NRXN1: variants seen among roughly 807,000 people sequenced by gnomAD.
The protein encoded by NRXN1 is neurexin 1.
A neutral mutation model predicts 150.9 loss-of-function variants in NRXN1; 39 were observed. The ratio of observed to expected loss-of-function variants is 0.26; its 90% CI spans 0.20 to 0.34. The LOEUF is 0.34. Ranked by LOEUF, NRXN1 falls within the 10% of genes least tolerant of loss-of-function variation. The pLI is 1.00. For missense variants in NRXN1, 1,815 were observed against 1,949.9 expected (o/e 0.93, Z 1.30); for synonymous variants, 924 against 757.0 (o/e 1.22, Z -3.62).
At chr2:50,377,570 C>G (rs1452308709) in intron 17 of NRXN1, among the ~76,000 whole-genome samples, 6 of 152,016 alleles carry the variant, frequency 3.9e-5, no homozygotes, top group African/African-American at 7.2e-5. Context: ...AAAGTTGGGA[C>G]TAGTTGATCT....
intron 2 of NRXN1, among the ~76,000 whole-genome samples, chr2:50,990,003 A>T (rs891301264): frequency 3.9e-5 from 6 of 152,038 alleles, no homozygotes; most frequent in Non-Finnish European, 8.8e-5. Context: ...TTTTTTTAAA[A>T]AATTAGCCAT....
At chr2:50,910,180 G>A (rs1360715922) in intron 5 of NRXN1, among the ~76,000 whole-genome samples, 1 of 151,882 alleles carries the variant, frequency 6.6e-6, no homozygotes, top group Non-Finnish European at 1.5e-5. Flanking sequence ...AAGGATAACT[G>A]TCTTTGACTT....
chr2:50,872,358 C>A (rs536717090), intron 5 of NRXN1, among the ~76,000 whole-genome samples: 1 of 151,552 alleles, frequency 6.6e-6, no homozygotes, highest in Non-Finnish European at 1.5e-5. Flanking sequence ...TGCAGATATA[C>A]GTTGTTGAGC....
At chr2:51,012,904 T>C (rs911218690) in intron 2 of NRXN1, among the ~76,000 whole-genome samples, 1 of 152,056 alleles carries the variant, frequency 6.6e-6, no homozygotes, top group African/African-American at 2.4e-5. Flanking sequence ...AAACTATTTT[T>C]CTGCCCTCTA....
At chr2:50,253,547 T>C (rs555033787) in intron 17 of NRXN1, among the ~76,000 whole-genome samples, 20 of 152,190 alleles carry the variant, frequency 1.3e-4, no homozygotes, top group Non-Finnish European at 2.5e-4. Context: ...TTGCTGTGCA[T>C]TTATCATAAA....
At chr2:50,696,600 G>C (rs999038267) in intron 5 of NRXN1, among the ~76,000 whole-genome samples, 2 of 152,218 alleles carry the variant, frequency 1.3e-5, no homozygotes, top group Admixed American at 1.3e-4. Flanking sequence ...TTGTGGTTCT[G>C]AGCAACTATT....
chr2:50,190,468 T>A (rs1259262672), intron 18 of NRXN1, among the ~76,000 whole-genome samples: 2 of 152,182 alleles, frequency 1.3e-5, no homozygotes, highest in Non-Finnish European at 2.9e-5. Flanking sequence ...AAAAAAGTTA[T>A]TTAGTTTCTA....
chr2:50,435,062 G>T (rs1254684596), intron 17 of NRXN1, among the ~76,000 whole-genome samples: 1 of 151,896 alleles, frequency 6.6e-6, no homozygotes, highest in Non-Finnish European at 1.5e-5. Flanking sequence ...TATTTACGGG[G>T]TTATACTGTA....
intron 5 of NRXN1, among the ~76,000 whole-genome samples, chr2:50,914,990 A>C (rs1327862331): frequency 6.6e-6 from 1 of 151,610 alleles, no homozygotes; most frequent in Non-Finnish European, 1.5e-5. Flanking sequence ...AAACAAAATA[A>C]ATGAGAATTT....
intron 5 of NRXN1, among the ~76,000 whole-genome samples, chr2:50,882,822 G>T (rs200554814): frequency 6.6e-6 from 1 of 151,674 alleles, no homozygotes; most frequent in Admixed American, 6.6e-5. Flanking sequence ...ATCATAAATT[G>T]TGTATCATTT....
intron 18 of NRXN1, among the ~76,000 whole-genome samples, chr2:50,224,498 G>A (rs1046386710): frequency 6.6e-6 from 1 of 151,780 alleles, no homozygotes; most frequent in Admixed American, 6.6e-5. Flanking sequence ...CCAAATAATA[G>A]GGTAAGCATG....
chr2:50,805,519 G>C (rs1667400444), intron 5 of NRXN1, among the ~76,000 whole-genome samples: 1 of 151,898 alleles, frequency 6.6e-6, no homozygotes. Flanking sequence ...AGCTAGATGT[G>C]ATCCCAGCTG....
intron 5 of NRXN1, among the ~76,000 whole-genome samples, chr2:50,736,866 A>C (rs1042426169): frequency 2.6e-5 from 4 of 152,138 alleles, no homozygotes; most frequent in African/African-American, 9.7e-5. Context: ...TCATTACTAG[A>C]CCCTCAAGTC....
intron 21 of NRXN1, among the ~76,000 whole-genome samples, chr2:49,970,861 T>TAAAG (rs894940114): frequency 1.3e-5 from 2 of 151,936 alleles, no homozygotes; most frequent in African/African-American, 4.8e-5. Context: ...AAACCACAGG[T>TAAAG]AAAGCAACAG....
intron 5 of NRXN1, among the ~76,000 whole-genome samples, chr2:50,715,964 C>A (rs1695820390): frequency 6.6e-6 from 1 of 152,142 alleles, no homozygotes; most frequent in Non-Finnish European, 1.5e-5. Context: ...TACATCTTAT[C>A]TCTACCATTA....
intron 5 of NRXN1, chr2:50,758,088 C>A (rs1482867627): frequency 6.6e-6 from 1 of 151,768 alleles, no homozygotes; most frequent in Non-Finnish European, 1.5e-5. Flanking sequence ...AGTCTGCAGT[C>A]AGAAATTAGT....
intron 19 of NRXN1, among the ~76,000 whole-genome samples, chr2:50,062,673 A>G (rs72889596): frequency 0.016 from 2,374 of 152,222 alleles, 54 homozygotes; most frequent in African/African-American, 0.054. Context: ...CTCAGAGAAC[A>G]AAGATAAATA....
At chr2:50,971,532 G>A (rs539637502) in intron 2 of NRXN1, among the ~76,000 whole-genome samples, 49 of 152,106 alleles carry the variant, frequency 3.2e-4, no homozygotes, top group African/African-American at 8.7e-4. Flanking sequence ...GCGGTGAGCC[G>A]AGATTGTGTC....
chr2:50,147,697 G>A (rs1208343248), intron 18 of NRXN1, among the ~76,000 whole-genome samples: 1 of 151,714 alleles, frequency 6.6e-6, no homozygotes, highest in African/African-American at 2.4e-5. Context: ...GTAAAATTAA[G>A]AAGATAAAAA....
Sources: gnomAD v4.1 joint callset for allele counts (sites outside exome capture counted in the v4.1 genomes callset) on GRCh38, gnomAD v4.1.1 for gene constraint, MANE v1.5 for transcripts, NCBI Gene and HGNC (gene_info 2026-07-23, HGNC 2026-07-21) for gene names.